Variants in LRP1B observed in about 807,000 individuals in gnomAD.
LRP1B encodes LDL receptor related protein 1B, also known as low-density lipoprotein receptor-related protein 1B.
A neutral mutation model predicts 556.6 loss-of-function variants in LRP1B; 217 were observed. That is an observed-to-expected ratio of 0.39 (90% CI 0.35 to 0.44). The LOEUF is 0.44. Among genes scored for constraint, LRP1B ranks in the 20% least tolerant of loss-of-function variants. The pLI, the probability that LRP1B is intolerant of heterozygous loss-of-function variation, is 1.00. For synonymous variants in LRP1B, 2,047 were observed against 1,865.8 expected (o/e 1.10, Z -2.50); for missense variants, 5,053 against 5,620.8 (o/e 0.90, Z 3.23).
intron 68 of LRP1B, among the ~76,000 whole-genome samples, chr2:140,377,370 C>A (rs185604140): frequency 6.6e-6 from 1 of 152,002 alleles, no homozygotes; most frequent in Non-Finnish European, 1.5e-5. Flanking sequence ...CCACCATGCC[C>A]GGCTAGAGCT....
At chr2:141,186,434 G>A (rs1410928541) in intron 7 of LRP1B, among the ~76,000 whole-genome samples, 1 of 151,940 alleles carries the variant, frequency 6.6e-6, no homozygotes, top group Admixed American at 6.6e-5. Flanking sequence ...TTCTTAGATA[G>A]AATCACATCA....
intron 35 of LRP1B, among the ~76,000 whole-genome samples, chr2:140,756,945 A>G (rs931523894): frequency 1.3e-5 from 2 of 152,182 alleles, no homozygotes; most frequent in African/African-American, 4.8e-5. Context: ...AATGTATTCA[A>G]AATTCTAGTA....
At chr2:140,443,249 T>G (rs941868250) in intron 65 of LRP1B, among the ~76,000 whole-genome samples, 5 of 152,030 alleles carry the variant, frequency 3.3e-5, no homozygotes, top group Non-Finnish European at 7.4e-5. Flanking sequence ...TTATTAGAGA[T>G]AGGGTTTCAC....
chr2:140,278,423 A>C (rs1682776183), intron 84 of LRP1B, among the ~76,000 whole-genome samples: 1 of 152,134 alleles, frequency 6.6e-6, no homozygotes, highest in Non-Finnish European at 1.5e-5. Context: ...AGAATGTTTT[A>C]GAAATTCTCA....
At chr2:140,769,472 T>TA (rs1298290701) in intron 34 of LRP1B, 128 bp from the exon 35 acceptor site, 22 of 977,838 alleles carry the variant, frequency 2.2e-5, no homozygotes, top group Non-Finnish European at 3.0e-5. Context: ...CCTGGCCTTT[T>TA]AAAAAAATTA....
intron 67 of LRP1B, among the ~76,000 whole-genome samples, chr2:140,383,453 C>A (rs1683625607): frequency 6.6e-6 from 1 of 151,900 alleles, no homozygotes; most frequent in African/African-American, 2.4e-5. Context: ...TAATTGAATT[C>A]TTTTCTCGTT....
rs754492678 is a variant in LRP1B at position 140,841,193 on chromosome 2, CTTTAA to C, written c.4940-106_4940-102del. Reference sequence around the variant, plus strand: ...TATCTAAGGGAAAATTTAATTTATACTTTAATTTGTTAGCTAAAATCGCACAAGAT... The same window carrying C: ...TATCTAAGGGAAAATTTAATTTATACTTTGTTAGCTAAAATCGCACAAGAT... On this transcript the variant is annotated intron_variant, in intron 29 of 90. Coordinates refer to ENST00000389484, the MANE Select transcript of LRP1B (RefSeq NM_018557.3). 1.0e-4 allele frequency: 73 copies of C among 730,370 alleles called. 1 individual carries two copies. The highest frequency in any genetic ancestry group is 1.2e-4 in the Non-Finnish European group (57 of 464,362). 45.2% of individuals were successfully genotyped at this position (730,370 alleles called of 1,614,324 possible).
At chr2:141,283,256 T>C (rs950158438) in intron 3 of LRP1B, among the ~76,000 whole-genome samples, 4 of 152,116 alleles carry the variant, frequency 2.6e-5, no homozygotes, top group African/African-American at 9.7e-5. Context: ...GTAAATTGCA[T>C]GTAAGTTGAG....
chr2:140,798,718 C>T (rs1426110457), intron 32 of LRP1B, among the ~76,000 whole-genome samples: 1 of 152,160 alleles, frequency 6.6e-6, no homozygotes, highest in East Asian at 1.9e-4. Flanking sequence ...GTAGCAACCC[C>T]CTTTTCCCTG....
chr2:141,217,332 A>T (rs557661580), intron 6 of LRP1B, among the ~76,000 whole-genome samples: 6 of 152,314 alleles, frequency 3.9e-5, no homozygotes, highest in African/African-American at 1.4e-4. Flanking sequence ...TATATAGTAT[A>T]CATGTGTTAT....
At chr2:141,069,401 T>C (rs1699572310) in intron 7 of LRP1B, among the ~76,000 whole-genome samples, 1 of 152,088 alleles carries the variant, frequency 6.6e-6, no homozygotes, top group Admixed American at 6.6e-5. Flanking sequence ...GTCACACAGA[T>C]ATTTCATCAA....
At chr2:141,707,525 T>C (rs1422086277) in intron 2 of LRP1B, among the ~76,000 whole-genome samples, 1 of 152,146 alleles carries the variant, frequency 6.6e-6, no homozygotes, top group Non-Finnish European at 1.5e-5. Flanking sequence ...ATCAGAGAAA[T>C]GTTGTGGCAA....
chr2:140,771,780 T>C (rs1051819366), intron 33 of LRP1B, among the ~76,000 whole-genome samples: 2 of 152,162 alleles, frequency 1.3e-5, no homozygotes, highest in Non-Finnish European at 2.9e-5. Flanking sequence ...TTTTTACATC[T>C]TTTTTTATTA....
At chr2:141,858,944 A>G (rs779726209) in intron 1 of LRP1B, among the ~76,000 whole-genome samples, 1 of 152,150 alleles carries the variant, frequency 6.6e-6, no homozygotes, top group African/African-American at 2.4e-5. Context: ...AGGAAGTCCA[A>G]GTGGAAGAGG....
intron 3 of LRP1B, among the ~76,000 whole-genome samples, chr2:141,445,055 C>T (rs187449808): frequency 2.2e-3 from 330 of 152,268 alleles, no homozygotes; most frequent in Non-Finnish European, 3.5e-3. Context: ...TCTGTCTGGT[C>T]CTGGACTTGT....
At chr2:141,240,836 T>C (rs563826366) in intron 5 of LRP1B, among the ~76,000 whole-genome samples, 59 of 152,186 alleles carry the variant, frequency 3.9e-4, no homozygotes, top group Middle Eastern at 3.4e-3. Flanking sequence ...AAATATGTTA[T>C]GAAGAAAATG....
rs185377381 is a variant in LRP1B at position 141,865,143 on chromosome 2, T to C, written c.83-54742A>G. On this transcript the variant is annotated intron_variant, in intron 1 of 90. Transcript: ENST00000389484. Reference sequence around the variant, plus strand: ...AAGAAGCAATATTTATCTTTCTTGTTCTCAAGATCTTGTCTCGCATTTTTG... The same window carrying C: ...AAGAAGCAATATTTATCTTTCTTGTCCTCAAGATCTTGTCTCGCATTTTTG... Among the ~76,000 whole-genome samples, 8 of 152,292 alleles carry C rather than the reference T, an allele frequency of 5.3e-5. No individual in the cohort carries two copies. The East Asian group carries it at 1.5e-3, about 29-fold the overall frequency.
chr2:140,402,707 A>G (rs961394815), intron 66 of LRP1B, among the ~76,000 whole-genome samples: 13 of 152,036 alleles, frequency 8.6e-5, no homozygotes, highest in Non-Finnish European at 1.8e-4. Flanking sequence ...ATTGAGAGCT[A>G]CCCCAGCCAC....
chr2:140,728,528 C>T (rs1306028600), intron 35 of LRP1B, among the ~76,000 whole-genome samples: 1 of 152,102 alleles, frequency 6.6e-6, no homozygotes, highest in African/African-American at 2.4e-5. Context: ...AAAACAACAC[C>T]ATTCCATTTC....
Sources: allele counts gnomAD v4.1 joint callset (sites outside exome capture counted in the v4.1 genomes callset), GRCh38; gene constraint gnomAD v4.1.1; transcripts MANE v1.5; gene names NCBI Gene and HGNC (gene_info 2026-07-23, HGNC 2026-07-21).